The following MACROD2 variants were observed in gnomAD, a reference collection of about 807,000 sequenced individuals.
The protein encoded by MACROD2 is mono-ADP ribosylhydrolase 2.
In MACROD2, 36 loss-of-function variants were observed where a neutral mutation model predicts 70.4. That is an observed-to-expected ratio of 0.51 (90% CI 0.39 to 0.68). The LOEUF is 0.68. Among genes scored for constraint, MACROD2 ranks in the 30% least tolerant of loss-of-function variants. The probability of loss-of-function intolerance (pLI) is 0.00; values close to 1 mark genes in which losing one functional copy is unlikely to be tolerated. For synonymous variants in MACROD2, 172 were observed against 178.8 expected (o/e 0.96, Z 0.30); for missense variants, 496 against 538.4 (o/e 0.92, Z 0.78).
chr20:14,336,563 G>T (rs916175472), intron 3 of MACROD2, among the ~76,000 whole-genome samples: 1 of 152,084 alleles, frequency 6.6e-6, no homozygotes, highest in African/African-American at 2.4e-5. Context: ...TGCAAAGAAT[G>T]GATCCTCTGC....
intron 8 of MACROD2, among the ~76,000 whole-genome samples, chr20:15,710,025 A>T (rs1255452035): frequency 6.6e-6 from 1 of 152,092 alleles, no homozygotes; most frequent in Non-Finnish European, 1.5e-5. Context: ...ACAGACTCTG[A>T]TTTAAAAACG....
intron 6 of MACROD2, among the ~76,000 whole-genome samples, chr20:15,377,961 G>T (rs935914602): frequency 3.3e-5 from 5 of 152,044 alleles, no homozygotes; most frequent in Non-Finnish European, 7.4e-5. Context: ...ATGGACACAG[G>T]GAGGGAAACA....
chr20:14,241,082 C>T (rs1450415060), intron 3 of MACROD2, among the ~76,000 whole-genome samples: 1 of 152,092 alleles, frequency 6.6e-6, no homozygotes, highest in African/African-American at 2.4e-5. Flanking sequence ...CATCACTGCA[C>T]TTCAGCCTGG....
chr20:14,161,869 A>G (rs949714701), intron 3 of MACROD2, among the ~76,000 whole-genome samples: 1 of 152,194 alleles, frequency 6.6e-6, no homozygotes, highest in Admixed American at 6.5e-5. Context: ...CTGGGATTAC[A>G]GGAGTGAGCC....
chr20:14,989,901 T>G lies in MACROD2; in HGVS notation c.419-240039T>G, dbSNP rs887513027. ...AAACTGCTGCCTGGAATTTTCTATG[T>G]TCCTACAATCACCCTGTATTATTCC... On this transcript the variant is annotated intron_variant, in intron 5 of 17. Coordinates refer to ENST00000684519, the MANE Select transcript of MACROD2 (RefSeq NM_001351661.2). 4.6e-5 allele frequency among the ~76,000 whole-genome samples: 7 copies of G among 152,278 alleles called. No individual in the cohort carries two copies. In the East Asian group the frequency reaches 1.4e-3, roughly 29 times the overall value.
chr20:15,107,971 T>G (rs2075924307), intron 5 of MACROD2, among the ~76,000 whole-genome samples: 1 of 150,424 alleles, frequency 6.6e-6, no homozygotes, highest in African/African-American at 2.4e-5. Context: ...TATGGACTCT[T>G]GAGAGCAAGC....
chr20:14,875,675 C>T (rs1294446675), intron 5 of MACROD2, among the ~76,000 whole-genome samples: 1 of 151,986 alleles, frequency 6.6e-6, no homozygotes, highest in African/African-American at 2.4e-5. Context: ...TCTATTATTT[C>T]CATCTTTATG....
chr20:14,463,799 T>C (rs1170545098), intron 3 of MACROD2, among the ~76,000 whole-genome samples: 3 of 152,074 alleles, frequency 2.0e-5, no homozygotes, highest in South Asian at 2.1e-4. Flanking sequence ...AATCATGTGG[T>C]TTTTGTCTTT....
At chr20:15,907,666 G>A (rs2065168249) in intron 10 of MACROD2, among the ~76,000 whole-genome samples, 1 of 152,198 alleles carries the variant, frequency 6.6e-6, no homozygotes, top group Non-Finnish European at 1.5e-5. Context: ...ATGACACGGT[G>A]TGCCGTGAGT....
At chr20:15,637,068 C>G (rs2049381575) in intron 8 of MACROD2, among the ~76,000 whole-genome samples, 2 of 152,124 alleles carry the variant, frequency 1.3e-5, no homozygotes, top group Admixed American at 1.3e-4. Flanking sequence ...GAAGATGTCT[C>G]TCATCCCTGA....
In MACROD2 at chr20:14,486,294, T is replaced by C. The variant is rs111825469; in HGVS notation, c.272-7185T>C. ...GGACATAGTCCATTCACGGTAAGCT[T>C]ACAGGAAGTGAACCAGGGAAGAAAA... On this transcript the variant is annotated intron_variant, in intron 3 of 17. Transcript: ENST00000684519. Among the ~76,000 whole-genome samples the C allele has an allele frequency of 7.3e-3, 1,114 of 152,158 alleles. 10 individuals are homozygous for C. The highest frequency in any genetic ancestry group is 0.025 in the African/African-American group (1,034 of 41,524).
At chr20:14,526,025 A>G (rs1458701582) in intron 4 of MACROD2, among the ~76,000 whole-genome samples, 1 of 152,180 alleles carries the variant, frequency 6.6e-6, no homozygotes, top group African/African-American at 2.4e-5. Flanking sequence ...CGATATCGGA[A>G]TGTTGATAGA....
chr20:14,967,544 A>C (rs1167544546), intron 5 of MACROD2, among the ~76,000 whole-genome samples: 1 of 152,070 alleles, frequency 6.6e-6, no homozygotes, highest in East Asian at 1.9e-4. Context: ...GACTGTGAAT[A>C]TTATTTCTCA....
intron 5 of MACROD2, among the ~76,000 whole-genome samples, chr20:14,978,464 ACAGG>A (rs1156496985): frequency 2.0e-5 from 3 of 149,638 alleles, no homozygotes; most frequent in African/African-American, 7.4e-5. Flanking sequence ...CATTACTTCT[ACAGG>A]CAATGGCCAG....
At chr20:15,722,691 T>C (rs956956202) in intron 8 of MACROD2, among the ~76,000 whole-genome samples, 1 of 152,170 alleles carries the variant, frequency 6.6e-6, no homozygotes, top group Non-Finnish European at 1.5e-5. Flanking sequence ...TTTATTTTAC[T>C]CTTTGCATGA....
At chr20:14,881,077 G>A (rs1361900936) in intron 5 of MACROD2, among the ~76,000 whole-genome samples, 1 of 152,142 alleles carries the variant, frequency 6.6e-6, no homozygotes, top group African/African-American at 2.4e-5. Flanking sequence ...CCTGAGGAGG[G>A]AAGAGGTGCA....
intron 5 of MACROD2, among the ~76,000 whole-genome samples, chr20:15,118,808 G>A (rs1022901338): frequency 1.3e-5 from 2 of 152,138 alleles, no homozygotes; most frequent in Non-Finnish European, 2.9e-5. Flanking sequence ...ACTTCCTCCT[G>A]TGTTTACACC....
intron 6 of MACROD2, among the ~76,000 whole-genome samples, chr20:15,253,267 A>G (rs2077171178): frequency 6.6e-6 from 1 of 152,156 alleles, no homozygotes; most frequent in Non-Finnish European, 1.5e-5. Context: ...CTTTTGCACT[A>G]TGACAGCAAA....
At chr20:14,804,556 A>C (rs966638220) in intron 5 of MACROD2, among the ~76,000 whole-genome samples, 2 of 152,128 alleles carry the variant, frequency 1.3e-5, no homozygotes, top group South Asian at 2.1e-4. Flanking sequence ...CCAAAGAAAA[A>C]GATCAGCCTC....
Sources: allele counts gnomAD v4.1 joint callset (sites outside exome capture counted in the v4.1 genomes callset), GRCh38; gene constraint gnomAD v4.1.1; transcripts MANE v1.5; gene names NCBI Gene and HGNC (gene_info 2026-07-23, HGNC 2026-07-21).